Variants in ACACB observed in about 807,000 individuals in gnomAD.
ACACB encodes acetyl-CoA carboxylase beta, also known as acetyl-CoA carboxylase 2.
Under a neutral mutation model 278.8 loss-of-function variants are expected in ACACB, and 209 were observed. That is an observed-to-expected ratio of 0.75 (90% CI 0.67 to 0.84). The LOEUF (loss-of-function observed/expected upper bound fraction) is 0.84. ACACB is among the 40% of genes least tolerant of loss of function. ACACB has a pLI of 0.00. For synonymous variants in ACACB, 1,174 were observed against 1,285.6 expected (o/e 0.91, Z 1.86); for missense variants, 2,850 against 3,269.0 (o/e 0.87, Z 3.13).
chr12:109,181,951 C>A (rs1304493898), intron 11 of ACACB, among the ~76,000 whole-genome samples: 3 of 132,054 alleles, frequency 2.3e-5, no homozygotes, highest in Non-Finnish European at 4.7e-5. Flanking sequence ...TCGAACAATT[C>A]TCCTGCCTCA....
intron 22 of ACACB, 82 bp from the exon 23 acceptor site, chr12:109,216,535 TA>T: frequency 2.1e-6 from 3 of 1,428,042 alleles, no homozygotes; most frequent in Non-Finnish European, 2.9e-6. Flanking sequence ...TTTCTCTTTT[TA>T]AAAATCATAA....
At chr12:109,170,480 C>A (rs149838238) in intron 4 of ACACB, among the ~76,000 whole-genome samples, 2 of 152,206 alleles carry the variant, frequency 1.3e-5, no homozygotes, top group East Asian at 1.9e-4. Flanking sequence ...AAGGAAATCC[C>A]GTCATATGTT....
intron 17 of ACACB, 22 bp from the exon 18 acceptor site, chr12:109,199,380 C>T (rs750657833): frequency 2.7e-6 from 4 of 1,457,382 alleles, no homozygotes; most frequent in Non-Finnish European, 3.6e-6. Flanking sequence ...AGTCTCCCTA[C>T]CCGACTCCTC....
At chr12:109,211,953 A>G (rs886327385) in intron 21 of ACACB, among the ~76,000 whole-genome samples, 1 of 152,148 alleles carries the variant, frequency 6.6e-6, no homozygotes, top group Non-Finnish European at 1.5e-5. Context: ...CACCGATAAC[A>G]TTATGTGTAA....
intron 12 of ACACB, among the ~76,000 whole-genome samples, chr12:109,187,430 ATTTT>A (rs1179739397): frequency 6.8e-6 from 1 of 147,292 alleles, no homozygotes; most frequent in Non-Finnish European, 1.5e-5. Flanking sequence ...CAACTCGCTT[ATTTT>A]ATTTATTTAT....
chr12:109,193,622 G>T, intron 15 of ACACB, 26 bp from the exon 16 acceptor site: 1 of 1,592,224 alleles, frequency 6.3e-7, no homozygotes, highest in South Asian at 1.1e-5. Context: ...TCCCAAGGCT[G>T]ACCACAACCC....
intron 1 of ACACB, among the ~76,000 whole-genome samples, chr12:109,126,400 G>C (rs2042680125): frequency 6.6e-6 from 1 of 152,172 alleles, no homozygotes; most frequent in Non-Finnish European, 1.5e-5. Context: ...AATTTGATCT[G>C]AACCAGGCAT....
intron 37 of ACACB, among the ~76,000 whole-genome samples, chr12:109,243,752 G>T (rs2046864161): frequency 6.6e-6 from 1 of 152,052 alleles, no homozygotes; most frequent in African/African-American, 2.4e-5. Context: ...ACATTTGGGT[G>T]CATTTTCTTC....
At position 109,222,534 on chromosome 12, in the gene ACACB, C is replaced by G. The variant is rs368193601; in HGVS notation, c.3592C>G (p.Leu1198Val). Reference sequence around the variant, plus strand: ...TGAGCTGTGTGGCCCAGACCCTTCCCTGTCGGACGAGCTGATCTCCATCCT... The same window carrying G: ...TGAGCTGTGTGGCCCAGACCCTTCCGTGTCGGACGAGCTGATCTCCATCCT... ...IDELCGPDPS[L>V]SDELISILNE... Residue 1198 changes from leucine (L) to valine (V), a missense_variant, in exon 25 of 53, where the codon CTG becomes GTG. Transcript: ENST00000338432. 1.9e-6 allele frequency: 3 copies of G among 1,614,196 alleles called. No individual in the cohort carries two copies. The South Asian group carries it at 3.3e-5, about 18-fold the overall frequency.
rs570369783 is a variant in ACACB at position 109,204,029 on chromosome 12, A to T, written c.2913+2328A>T. ...ATTAATTGTATTTGTTTTCTTTTTTAAAAAAATTATAATTATTATGGGTAC... is the reference window on the plus strand; with the variant it reads ...ATTAATTGTATTTGTTTTCTTTTTTTAAAAAATTATAATTATTATGGGTAC... On this transcript the variant is annotated intron_variant, in intron 19 of 52. Coordinates refer to ENST00000338432, the MANE Select transcript of ACACB (RefSeq NM_001093.4). 7.9e-5 allele frequency among the ~76,000 whole-genome samples: 12 copies of T among 151,958 alleles called. No homozygotes were observed. In the South Asian group the frequency reaches 1.5e-3, roughly 18 times the overall value.
At chr12:109,116,578 G>C (rs898348963), upstream of ACACB, 1 of 152,172 alleles carries the variant, frequency 6.6e-6, no homozygotes, top group South Asian at 2.1e-4. Context: ...AGTGACATTT[G>C]CAGTCCCCAG....
intron 44 of ACACB, among the ~76,000 whole-genome samples, chr12:109,255,935 A>G (rs2047213029): frequency 6.6e-6 from 1 of 152,164 alleles, no homozygotes; most frequent in Non-Finnish European, 1.5e-5. Context: ...TTGACTTGGT[A>G]TATTTATTGC....
At chr12:109,129,668 T>G (rs1487402064) in intron 1 of ACACB, among the ~76,000 whole-genome samples, 1 of 152,218 alleles carries the variant, frequency 6.6e-6, no homozygotes, top group East Asian at 1.9e-4. Flanking sequence ...GACTTTCCCC[T>G]TTGGAAAAAT....
intron 2 of ACACB, chr12:109,154,930 C>G (rs1012228780): frequency 2.6e-5 from 4 of 152,718 alleles, no homozygotes; most frequent in African/African-American, 9.6e-5. Context: ...TTTCCCTGAT[C>G]GCGAAGTAAA....
At chr12:109,246,888 G>A (rs1468795855) in intron 39 of ACACB, among the ~76,000 whole-genome samples, 1 of 152,110 alleles carries the variant, frequency 6.6e-6, no homozygotes, top group Non-Finnish European at 1.5e-5. Context: ...GGTAACCTAG[G>A]CAGCATAGCC....
chr12:109,254,582 TG>T (rs2047177265), intron 44 of ACACB, among the ~76,000 whole-genome samples: 1 of 151,722 alleles, frequency 6.6e-6, no homozygotes, highest in Non-Finnish European at 1.5e-5. Context: ...TAGATGGAGG[TG>T]GGGTGCAATG....
intron 45 of ACACB, among the ~76,000 whole-genome samples, chr12:109,256,444 C>A (rs1204838062): frequency 6.6e-6 from 1 of 152,186 alleles, no homozygotes; most frequent in Non-Finnish European, 1.5e-5. Context: ...GGCCTGGGAC[C>A]CTGTAGTCAG....
chr12:109,155,229 A>G (rs1397575712), intron 2 of ACACB, among the ~76,000 whole-genome samples: 1 of 152,138 alleles, frequency 6.6e-6, no homozygotes. Flanking sequence ...GCGCAGGGGC[A>G]CGCCTTCCCC....
Position 109,253,049 on chromosome 12 carries a change from A to C in ACACB, c.5936A>C (p.Gln1979Pro), listed in dbSNP as rs150383484. ...AGAGAGGTCTACACATCCAACAACC[A>C]GCTGGGTGGCGTTCAGATCATGCAT... is the stretch of plus-strand genomic sequence containing the variant. Reference protein sequence around the residue: ...LGREVYTSNNQLGGVQIMHYN... With the variant: ...LGREVYTSNNPLGGVQIMHYN... The change falls in exon 43 of 53, where the codon CAG becomes CCG. Residue 1979 changes from glutamine to proline, a missense_variant. Transcript: ENST00000338432. 42 of 1,612,734 alleles carry C rather than the reference A, an allele frequency of 2.6e-5. No individual in the cohort carries two copies. The highest frequency in any genetic ancestry group is 7.6e-6 in the Non-Finnish European group (9 of 1,179,370).
Sources: gnomAD v4.1 joint callset for allele counts (sites outside exome capture counted in the v4.1 genomes callset) on GRCh38, gnomAD v4.1.1 for gene constraint, MANE v1.5 for transcripts, NCBI Gene and HGNC (gene_info 2026-07-23, HGNC 2026-07-21) for gene names.